The following B4GALT5 variants were observed in gnomAD, a reference collection of about 807,000 sequenced individuals.
B4GALT5 encodes the protein beta-1,4-galactosyltransferase 5.
In B4GALT5, 11 loss-of-function variants were observed where a neutral mutation model predicts 45.0. The observed-to-expected ratio is 0.24, with a 90% CI of 0.15 to 0.40. The LOEUF (loss-of-function observed/expected upper bound fraction) is 0.40. Among genes scored for constraint, B4GALT5 ranks in the 10% least tolerant of loss-of-function variants. B4GALT5 has a pLI of 1.00. For synonymous variants in B4GALT5, 185 were observed against 182.9 expected (o/e 1.01, Z -0.09); for missense variants, 337 against 500.2 (o/e 0.67, Z 3.11).
intron 1 of B4GALT5, among the ~76,000 whole-genome samples, chr20:49,708,919 G>A (rs1356612192): frequency 8.0e-5 from 10 of 125,738 alleles, no homozygotes. Context: ...GCAACAGAGC[G>A]AGACTCCATC....
In B4GALT5 at chr20:49,633,261, A is replaced by AC. The variant is rs1443999538; in HGVS notation, c.*3050dup. 1.3e-5 allele frequency: 2 copies of AC among 152,602 alleles called. No individual in the cohort carries two copies. Among genetic ancestry groups the AC allele is most frequent in the Admixed American group, 6.6e-5 (1 of 15,262 alleles). 9.5% of individuals were successfully genotyped at this position (152,602 alleles called of 1,614,324 possible). On this transcript the variant is annotated 3_prime_UTR_variant, in exon 9 of 9. Coordinates refer to ENST00000371711, the MANE Select transcript of B4GALT5 (RefSeq NM_004776.4). ...GTGGTAGAGGATCTCTGACAAGAGG[A>AC]CCTATTATGTCAAAATGAGTATTCT...
intron 1 of B4GALT5, among the ~76,000 whole-genome samples, chr20:49,701,492 T>C (rs886562773): frequency 2.0e-5 from 3 of 152,164 alleles, no homozygotes; most frequent in African/African-American, 4.8e-5. Flanking sequence ...AAAAAAACCC[T>C]GTGCACACAT....
In B4GALT5 at chr20:49,636,399, G is replaced by T; in HGVS notation, c.1080C>A (p.Asn360Lys). 6.2e-7 allele frequency: 1 copy of T among 1,614,134 alleles called. No individual in the cohort carries two copies. Among genetic ancestry groups the T allele is most frequent in the Non-Finnish European group, 8.5e-7 (1 of 1,180,022 alleles). ...RQGLDGLNNL[N>K]YFANITYDAL... is the part of the protein sequence containing the mutation. The stretch of plus-strand genomic sequence containing the variant: ...CGTCGTATGTGATGTTTGCAAAGTA[G>T]TTCAGGTTGTTGAGGCCATCCAGCC... Residue 360 changes from asparagine (N) to lysine (K), a missense_variant, in exon 9 of 9, where the codon AAC becomes AAA. Asn to Lys is a moderately conservative substitution (Grantham distance 94). Coordinates refer to ENST00000371711, the MANE Select transcript of B4GALT5 (RefSeq NM_004776.4).
At chr20:49,708,079 C>CA (rs11469156) in intron 1 of B4GALT5, among the ~76,000 whole-genome samples, 1,920 of 119,110 alleles carry the variant, frequency 0.016, 37 homozygotes, top group African/African-American at 0.049. Flanking sequence ...ACTAAAAATA[C>CA]AAAAAAAAAA....
intron 1 of B4GALT5, among the ~76,000 whole-genome samples, chr20:49,670,843 T>C (rs1244454931): frequency 3.3e-5 from 5 of 152,184 alleles, no homozygotes; most frequent in Non-Finnish European, 5.9e-5. Flanking sequence ...CAGATCAAAG[T>C]GAAATGTTCA....
chr20:49,665,641 C>T (rs1226055877), intron 1 of B4GALT5, among the ~76,000 whole-genome samples: 1 of 150,380 alleles, frequency 6.6e-6, no homozygotes, highest in Non-Finnish European at 1.5e-5. Flanking sequence ...GCCCTATACT[C>T]TAAAGATAAA....
chr20:49,674,417 C>T (rs1023180635), intron 1 of B4GALT5, among the ~76,000 whole-genome samples: 3 of 151,926 alleles, frequency 2.0e-5, no homozygotes, highest in Non-Finnish European at 2.9e-5. Context: ...TTTCTATGCC[C>T]GTAAAGTATT....
intron 1 of B4GALT5, among the ~76,000 whole-genome samples, chr20:49,657,151 A>G (rs2085646930): frequency 6.6e-6 from 1 of 152,174 alleles, no homozygotes; most frequent in Non-Finnish European, 1.5e-5. Flanking sequence ...GAAGCACTGA[A>G]GCCATGGTCT....
At chr20:49,641,620 T>A (rs79970942) in intron 5 of B4GALT5, among the ~76,000 whole-genome samples, 9 of 152,130 alleles carry the variant, frequency 5.9e-5, no homozygotes, top group Non-Finnish European at 1.3e-4. Context: ...GGTGCTCAGC[T>A]TTTTTCTCAC....
At chr20:49,675,320 A>G (rs1189746904) in intron 1 of B4GALT5, among the ~76,000 whole-genome samples, 2 of 152,236 alleles carry the variant, frequency 1.3e-5, no homozygotes, top group African/African-American at 4.8e-5. Context: ...TACTGACCCT[A>G]TGCTGGCAAC....
chr20:49,690,751 C>T (rs2085807214), intron 1 of B4GALT5, among the ~76,000 whole-genome samples: 1 of 152,100 alleles, frequency 6.6e-6, no homozygotes, highest in African/African-American at 2.4e-5. Flanking sequence ...AGAAGGCATA[C>T]CGATTGATAT....
At chr20:49,666,830 C>A (rs970552529) in intron 1 of B4GALT5, among the ~76,000 whole-genome samples, 1 of 152,104 alleles carries the variant, frequency 6.6e-6, no homozygotes, top group Admixed American at 6.6e-5. Context: ...TTCAACCTTA[C>A]CCCCAAACAA....
intron 8 of B4GALT5, 68 bp downstream of exon 8, chr20:49,637,273 T>A (rs1185734976): frequency 2.1e-6 from 3 of 1,398,320 alleles, no homozygotes; most frequent in Non-Finnish European, 3.0e-6. Context: ...GGCTGTAATA[T>A]GCTCTAAGAT....
chr20:49,683,534 C>T (rs2146350376), intron 1 of B4GALT5, among the ~76,000 whole-genome samples: 1 of 151,874 alleles, frequency 6.6e-6, no homozygotes, highest in East Asian at 2.0e-4. Flanking sequence ...GCTGAGATTA[C>T]AGGCACCCAC....
At chr20:49,695,368 T>A (rs2146356776) in intron 1 of B4GALT5, among the ~76,000 whole-genome samples, 1 of 152,258 alleles carries the variant, frequency 6.6e-6, no homozygotes, top group East Asian at 1.9e-4. Context: ...GATTAACTCA[T>A]TAACCACAGG....
In B4GALT5 at chr20:49,676,203, GT is replaced by G. The variant is rs1233399737; in HGVS notation, c.116-19502del. Reference sequence around the variant, plus strand: ...ACATATATATGTAGAGAGAGAGAGTGTGTGTGTGTGTGTTACAGGAAAGCTA... The same window carrying G: ...ACATATATATGTAGAGAGAGAGAGTGGTGTGTGTGTGTTACAGGAAAGCTA... On this transcript the variant is annotated intron_variant, in intron 1 of 8. Transcript: ENST00000371711. Among the ~76,000 whole-genome samples the G allele has an allele frequency of 3.4e-5, 5 of 146,828 alleles. No homozygotes were observed. In the East Asian group the frequency reaches 9.1e-4, roughly 27 times the overall value.
At chr20:49,649,970 C>A (rs2085614633) in intron 2 of B4GALT5, among the ~76,000 whole-genome samples, 1 of 152,016 alleles carries the variant, frequency 6.6e-6, no homozygotes, top group African/African-American at 2.4e-5. Context: ...TCAACAAAAA[C>A]GAAGATAATA....
chr20:49,688,920 A>G (rs1358822259), intron 1 of B4GALT5, among the ~76,000 whole-genome samples: 1 of 149,270 alleles, frequency 6.7e-6, no homozygotes, highest in Non-Finnish European at 1.5e-5. Flanking sequence ...CTGGGTAACA[A>G]GAGTGAAACT....
At chr20:49,713,430 C>T in intron 1 of B4GALT5, 146 bp downstream of exon 1, 1 of 740,144 alleles carries the variant, frequency 1.4e-6, no homozygotes. Flanking sequence ...CCTGGCGTCC[C>T]CGAGAGCCGG....
Sources: gnomAD v4.1 joint callset for allele counts (sites outside exome capture counted in the v4.1 genomes callset) on GRCh38, gnomAD v4.1.1 for gene constraint, MANE v1.5 for transcripts, NCBI Gene and HGNC (gene_info 2026-07-23, HGNC 2026-07-21) for gene names.